Variants in HLCS observed in about 807,000 individuals in gnomAD.
HLCS encodes holocarboxylase synthetase, also known as biotin--protein ligase.
Under a neutral mutation model 75.0 loss-of-function variants are expected in HLCS, and 53 were observed. The ratio of observed to expected loss-of-function variants is 0.71; its 90% CI spans 0.57 to 0.89. The LOEUF is 0.89. Ranked by LOEUF, HLCS falls within the 40% of genes least tolerant of loss-of-function variation. The pLI is 0.00. For synonymous variants in HLCS, 431 were observed against 428.6 expected (o/e 1.01, Z -0.07); for missense variants, 966 against 1,074.0 (o/e 0.90, Z 1.41).
intron 6 of HLCS, among the ~76,000 whole-genome samples, chr21:36,892,816 T>C (rs73214732): frequency 0.03 from 4,635 of 152,282 alleles, 97 homozygotes; most frequent in Non-Finnish European, 0.045. Context: ...CTAACATAAA[T>C]TTCACTCCTA....
At chr21:36,808,757 C>T (rs1488645282) in intron 6 of HLCS, among the ~76,000 whole-genome samples, 1 of 152,202 alleles carries the variant, frequency 6.6e-6, no homozygotes, top group Non-Finnish European at 1.5e-5. Context: ...TTACTCTTTT[C>T]CAAGGACCTG....
chr21:36,881,482 C>T (rs1280234967), intron 6 of HLCS, among the ~76,000 whole-genome samples: 3 of 152,166 alleles, frequency 2.0e-5, no homozygotes, highest in East Asian at 1.9e-4. Flanking sequence ...GGAATGAAGC[C>T]GAGTTATGAA....
chr21:36,773,314 C>T (rs963118404), intron 6 of HLCS, among the ~76,000 whole-genome samples: 1 of 152,242 alleles, frequency 6.6e-6, no homozygotes, highest in Non-Finnish European at 1.5e-5. Flanking sequence ...CATACCTGTC[C>T]CGTGGCTCAT....
rs138528422 is a variant in HLCS at position 36,828,829 on chromosome 21, T to C, written c.1893-61544A>G. 2.3e-3 allele frequency among the ~76,000 whole-genome samples: 355 copies of C among 152,304 alleles called. 4 individuals carry two copies. The highest frequency in any genetic ancestry group is 8.3e-3 in the African/African-American group (343 of 41,562). ...ACTGGAAAATAAAATGCAATAAAAA[T>C]ATTGCTGCAAAACCTAGTTTCTAGA... On this transcript the variant is annotated intron_variant, in intron 6 of 10. Coordinates refer to ENST00000674895, the MANE Select transcript of HLCS (RefSeq NM_001352514.2).
chr21:36,752,414 G>C lies in HLCS; in HGVS notation c.*1832C>G, dbSNP rs578111140. On this transcript the variant is annotated 3_prime_UTR_variant, in exon 11 of 11. Coordinates refer to ENST00000674895, the MANE Select transcript of HLCS (RefSeq NM_001352514.2). ...AATAACCCCCAAAGAAATTCAAAAAGTGATGATGGCAGCTCTGAGAGAGGG... is the reference window on the plus strand; with the variant it reads ...AATAACCCCCAAAGAAATTCAAAAACTGATGATGGCAGCTCTGAGAGAGGG... 11 of 152,622 alleles carry C rather than the reference G, an allele frequency of 7.2e-5. No homozygotes were observed. The East Asian group carries it at 1.9e-3, about 27-fold the overall frequency. 9.5% of individuals were successfully genotyped at this position (152,622 alleles called of 1,614,324 possible).
chr21:36,895,546 G>C (rs2064980181), intron 6 of HLCS, among the ~76,000 whole-genome samples: 1 of 152,112 alleles, frequency 6.6e-6, no homozygotes, highest in Non-Finnish European at 1.5e-5. Context: ...TGCCCCCATT[G>C]CTCTGATAAT....
intron 6 of HLCS, among the ~76,000 whole-genome samples, chr21:36,824,875 T>C (rs759528672): frequency 2.0e-5 from 3 of 152,220 alleles, no homozygotes; most frequent in Non-Finnish European, 2.9e-5. Context: ...CAAATGGTCA[T>C]GCTCACATTT....
chr21:36,932,716 A>G (rs567016607), intron 4 of HLCS, among the ~76,000 whole-genome samples: 1 of 152,300 alleles, frequency 6.6e-6, no homozygotes, highest in South Asian at 2.1e-4. Flanking sequence ...TTCTAGCCTG[A>G]TATTATAGAA....
chr21:36,933,285 G>C (rs1318078338), intron 4 of HLCS, among the ~76,000 whole-genome samples: 1 of 151,966 alleles, frequency 6.6e-6, no homozygotes, highest in Non-Finnish European at 1.5e-5. Context: ...CCCTGGAGAG[G>C]GGAAGAGGCA....
At chr21:36,812,129 G>A (rs140553247) in intron 6 of HLCS, among the ~76,000 whole-genome samples, 255 of 152,238 alleles carry the variant, frequency 1.7e-3, no homozygotes, top group African/African-American at 1.3e-3. Flanking sequence ...ATGAGGAAGC[G>A]CATCCTTCTA....
At position 36,896,919 on chromosome 21, in the gene HLCS, C is replaced by T. The variant is rs2065033593; in HGVS notation, c.1833G>A (p.Gln611=). 2.5e-6 allele frequency: 4 copies of T among 1,614,200 alleles called. No homozygotes were observed. Among genetic ancestry groups the T allele is most frequent in the Non-Finnish European group, 3.4e-6 (4 of 1,180,042 alleles). ...CGGCAAACAAAATTACTTTCCCCAA[C>T]TGCTTGGTCTGCAGATTTTGGCGAT... ...EIYRQNLQTK[Q]LGKVILFAEV... The change falls in exon 6 of 11, where the codon CAG becomes CAA. Residue 611 remains glutamine, a synonymous_variant. Transcript: ENST00000674895.
intron 6 of HLCS, among the ~76,000 whole-genome samples, chr21:36,776,419 T>TC (rs1362069693): frequency 6.6e-6 from 1 of 150,708 alleles, no homozygotes; most frequent in Non-Finnish European, 1.5e-5. Flanking sequence ...ATTTTATGCT[T>TC]TTTTTTTTCT....
chr21:36,809,020 C>T (rs2061435116), intron 6 of HLCS, among the ~76,000 whole-genome samples: 1 of 152,030 alleles, frequency 6.6e-6, no homozygotes, highest in Non-Finnish European at 1.5e-5. Flanking sequence ...TCAAGACTAG[C>T]TTGGACCACA....
Position 36,788,998 on chromosome 21 carries a change from G to A in HLCS, c.1893-21713C>T, listed in dbSNP as rs1383340675. Among the ~76,000 whole-genome samples the A allele has an allele frequency of 2.6e-5, 4 of 152,142 alleles. No homozygotes were observed. In the East Asian group the frequency reaches 7.7e-4, roughly 29 times the overall value. ...TACTAGAAAAAGGCAATAAGAAGAC[G>A]CATCTCCTATGGCCATAACAGCCAC... On this transcript the variant is annotated intron_variant, in intron 6 of 10. Transcript: ENST00000674895.
chr21:36,922,850 C>T (rs911419599), intron 5 of HLCS, among the ~76,000 whole-genome samples: 5 of 152,242 alleles, frequency 3.3e-5, no homozygotes, highest in Admixed American at 2.6e-4. Context: ...CAGTGCAAAT[C>T]TCCAGGCGGC....
In HLCS at chr21:36,957,052, CAAA is replaced by C. The variant is rs3035105; in HGVS notation, c.330+4981_330+4983del. Among the ~76,000 whole-genome samples, 676 of 108,008 alleles carry C rather than the reference CAAA, an allele frequency of 6.3e-3. 2 individuals are homozygous for C. Among genetic ancestry groups the C allele is most frequent in the African/African-American group, 0.016 (443 of 28,470 alleles). The allele number at this position is 108,008 out of a possible 152,430, so 70.9% of individuals were successfully genotyped here. A position where few individuals can be genotyped will look rare whatever the true frequency, so the allele number is the denominator to read the frequency against. On this transcript the variant is annotated intron_variant, in intron 2 of 10. Transcript: ENST00000674895. ...TGGACAACAGAGCCAGACTCCGTCT[CAAA>C]AAAAAAAAAAAAAAAAGCCCAAGGA...
At chr21:36,894,821 C>T (rs1255793010) in intron 6 of HLCS, among the ~76,000 whole-genome samples, 1 of 150,994 alleles carries the variant, frequency 6.6e-6, no homozygotes, top group Non-Finnish European at 1.5e-5. Context: ...AACACTTTTA[C>T]AGACCCAAGT....
chr21:36,958,064 A>G (rs1362195099), intron 2 of HLCS, among the ~76,000 whole-genome samples: 1 of 151,770 alleles, frequency 6.6e-6, no homozygotes, highest in Non-Finnish European at 1.5e-5. Context: ...CGTCTCTACT[A>G]AAAATACAAT....
chr21:36,875,339 T>G (rs2063927513), intron 6 of HLCS, among the ~76,000 whole-genome samples: 1 of 152,132 alleles, frequency 6.6e-6, no homozygotes, highest in Non-Finnish European at 1.5e-5. Context: ...GATGGTGCTT[T>G]TTCCAGGACC....
Sources: allele counts gnomAD v4.1 joint callset (sites outside exome capture counted in the v4.1 genomes callset), GRCh38; gene constraint gnomAD v4.1.1; transcripts MANE v1.5; gene names NCBI Gene and HGNC (gene_info 2026-07-23, HGNC 2026-07-21).